CACNG5: variants seen among roughly 807,000 people sequenced by gnomAD.
The protein encoded by CACNG5 is calcium voltage-gated channel auxiliary subunit gamma 5.
CACNG5 carries 18 observed loss-of-function variants against 24.8 expected under a neutral mutation model. The ratio of observed to expected loss-of-function variants is 0.73; its 90% confidence interval spans 0.50 to 1.08. CACNG5 has a LOEUF of 1.08. Among genes scored for constraint, CACNG5 ranks in the 50% least tolerant of loss-of-function variants. CACNG5 has a pLI of 0.00. For synonymous variants in CACNG5, 157 were observed against 149.1 expected (o/e 1.05, Z -0.39); for missense variants, 349 against 367.9 (o/e 0.95, Z 0.42).
rs371834868 is a variant in CACNG5, at chr17:66,861,167, C to A, written c.-103-16063C>A. 2.3e-4 allele frequency among the ~76,000 whole-genome samples: 35 copies of A among 152,168 alleles called. No individual in the cohort carries two copies. In the East Asian group the frequency reaches 4.8e-3, roughly 21 times the overall value. ...ATTGTAATATATTTGACAATAACAG[C>A]ACAAAGGAGTTGGGAGAAGGAGAAG... On this transcript the variant is annotated intron_variant, in intron 1 of 5. Transcript: ENST00000533854.
chr17:66,871,125 AC>A (rs1401262292), intron 1 of CACNG5, among the ~76,000 whole-genome samples: 1 of 152,142 alleles, frequency 6.6e-6, no homozygotes, highest in Admixed American at 6.5e-5. Context: ...TTTTTTCACA[AC>A]CAAGGAAGAT....
rs892732947 is a variant in CACNG5 at position 66,867,143 on chromosome 17, C to G, written c.-103-10087C>G. ...CTTGCCAGCATCTATTGTTTCTTGA[C>G]TTTTTAATAATCACCATTCTGACTG... On this transcript the variant is annotated intron_variant, in intron 1 of 5. Transcript: ENST00000533854. Among the ~76,000 whole-genome samples the G allele has an allele frequency of 3.9e-5, 6 of 152,154 alleles. No individual in the cohort carries two copies. The East Asian group carries it at 9.6e-4, about 24-fold the overall frequency.
intron 2 of CACNG5, 89 bp downstream of exon 2, chr17:66,877,617 G>A (rs780699599): frequency 1.7e-5 from 19 of 1,108,436 alleles, no homozygotes; most frequent in Non-Finnish European, 2.4e-5. Context: ...GCCAAGAGAT[G>A]CTGGAAGGAG....
intron 1 of CACNG5, among the ~76,000 whole-genome samples, chr17:66,853,481 GT>G (rs1418209868): frequency 2.0e-4 from 30 of 152,208 alleles, no homozygotes; most frequent in Admixed American, 2.0e-3. Flanking sequence ...GAGAGCTGCA[GT>G]TTCTCCAAAC....
chr17:66,889,583 G>T lies in CACNG5; in HGVS notation c.*4343G>T, dbSNP rs1005370786. Among the ~76,000 whole-genome samples the T allele has an allele frequency of 5.9e-5, 9 of 152,208 alleles. No individual in the cohort carries two copies. Among genetic ancestry groups the T allele is most frequent in the Non-Finnish European group, 8.8e-5 (6 of 68,028 alleles). ...AGGAATTAGCTCAAGAAGTTGTGGA[G>T]ACTTGGTGAGTACAACCAAAATCTG... is the stretch of plus-strand genomic sequence containing the variant. On this transcript the variant is annotated 3_prime_UTR_variant, in exon 6 of 6. Coordinates refer to ENST00000533854, the MANE Select transcript of CACNG5 (RefSeq NM_145811.3).
At chr17:66,864,435 T>G (rs959963970) in intron 1 of CACNG5, among the ~76,000 whole-genome samples, 1 of 152,248 alleles carries the variant, frequency 6.6e-6, no homozygotes, top group African/African-American at 2.4e-5. Flanking sequence ...CTGCAGAGGT[T>G]GTACAAAATA....
intron 1 of CACNG5, among the ~76,000 whole-genome samples, chr17:66,847,420 C>T (rs1035299616): frequency 4.3e-4 from 66 of 152,100 alleles, no homozygotes; most frequent in Admixed American, 4.0e-3. Flanking sequence ...TGGTAGAAGG[C>T]GAAGGAGGAG....
At position 66,892,012 on chromosome 17, in the gene CACNG5, G is replaced by A. The variant is rs547897141; in HGVS notation, c.*6772G>A. 6.6e-6 allele frequency among the ~76,000 whole-genome samples: 1 copy of A among 152,352 alleles called. No homozygotes were observed. Among genetic ancestry groups the A allele is most frequent in the East Asian group, 1.9e-4 (1 of 5,188 alleles). ...ATGGTTCTAATGTGAAACCAGGGTTGAGAACCACTGGCTTAGACCTACTGG... is the reference window on the plus strand; with the variant it reads ...ATGGTTCTAATGTGAAACCAGGGTTAAGAACCACTGGCTTAGACCTACTGG... On this transcript the variant is annotated 3_prime_UTR_variant, in exon 6 of 6. Coordinates refer to ENST00000533854, the MANE Select transcript of CACNG5 (RefSeq NM_145811.3).
chr17:66,869,376 G>T lies in CACNG5; in HGVS notation c.-103-7854G>T, dbSNP rs117904971. Among the ~76,000 whole-genome samples, 882 of 152,252 alleles carry T rather than the reference G, an allele frequency of 5.8e-3. 7 individuals are homozygous for T. Among genetic ancestry groups the T allele is most frequent in the Non-Finnish European group, 9.4e-3 (642 of 68,014 alleles). ...TGGGATTACAGGTGTGAGCCAACTC[G>T]CCTGGCCAAGTTGTGCTACTTTCTG... On this transcript the variant is annotated intron_variant, in intron 1 of 5. Coordinates refer to ENST00000533854, the MANE Select transcript of CACNG5 (RefSeq NM_145811.3).
In CACNG5 at chr17:66,885,467, G is replaced by A; in HGVS notation, c.*227G>A. On this transcript the variant is annotated 3_prime_UTR_variant, in exon 6 of 6. Transcript: ENST00000533854. ...GGGCAAGCTGATTGTCTGGGAACATGGGAGAAGCCCCGCCCATGTGAGTGC... is the reference window on the plus strand; with the variant it reads ...GGGCAAGCTGATTGTCTGGGAACATAGGAGAAGCCCCGCCCATGTGAGTGC... The A allele has an allele frequency of 3.6e-6, 2 of 551,786 alleles. No homozygotes were observed. Among genetic ancestry groups the A allele is most frequent in the Non-Finnish European group, 6.2e-6 (2 of 320,592 alleles). 34.2% of individuals were successfully genotyped at this position (551,786 alleles called of 1,614,324 possible).
rs1977298124 is a variant in CACNG5 at position 66,888,629 on chromosome 17, G to A, written c.*3389G>A. 6.6e-6 allele frequency among the ~76,000 whole-genome samples: 1 copy of A among 151,654 alleles called. No homozygotes were observed. Among genetic ancestry groups the A allele is most frequent in the Non-Finnish European group, 1.5e-5 (1 of 67,926 alleles). ...CAATAGTCAAAGACAGGTTTATTTT[G>A]GAGAATAAACCTGAGAGGGGCTTCT... On this transcript the variant is annotated 3_prime_UTR_variant, in exon 6 of 6. Coordinates refer to ENST00000533854, the MANE Select transcript of CACNG5 (RefSeq NM_145811.3).
chr17:66,885,390 C>T lies in CACNG5; in HGVS notation c.*150C>T. On this transcript the variant is annotated 3_prime_UTR_variant, in exon 6 of 6. Transcript: ENST00000533854. Reference sequence around the variant, plus strand: ...CTTGACCCCAGTCCTCTCCCTGCTTCTCCAGAAGGGCTCTAACTGCCCCAG... The same window carrying T: ...CTTGACCCCAGTCCTCTCCCTGCTTTTCCAGAAGGGCTCTAACTGCCCCAG... 2.2e-6 allele frequency: 2 copies of T among 925,250 alleles called. No homozygotes were observed. The highest frequency in any genetic ancestry group is 2.6e-5 in the East Asian group (1 of 38,300). 57.3% of individuals were successfully genotyped at this position (925,250 alleles called of 1,614,324 possible). A position where few individuals can be genotyped will look rare whatever the true frequency, so the allele number is the denominator to read the frequency against.
At chr17:66,872,989 G>A (rs548497702) in intron 1 of CACNG5, among the ~76,000 whole-genome samples, 10 of 152,252 alleles carry the variant, frequency 6.6e-5, no homozygotes, top group East Asian at 3.9e-4. Flanking sequence ...CTTCAGTAGC[G>A]AGATGATGTA....
intron 1 of CACNG5, among the ~76,000 whole-genome samples, chr17:66,845,579 C>T (rs1350888282): frequency 6.6e-6 from 1 of 152,130 alleles, no homozygotes; most frequent in Non-Finnish European, 1.5e-5. Flanking sequence ...GGGTCCTTGT[C>T]TGTGCTCCCG....
At chr17:66,861,873 A>G (rs1976865483) in intron 1 of CACNG5, among the ~76,000 whole-genome samples, 1 of 152,200 alleles carries the variant, frequency 6.6e-6, no homozygotes, top group African/African-American at 2.4e-5. Flanking sequence ...CGTTGCCACT[A>G]TGTTTAAGTG....
chr17:66,880,727 C>G (rs756770073), intron 4 of CACNG5, 30 bp downstream of exon 4: 1 of 1,604,446 alleles, frequency 6.2e-7, no homozygotes, highest in African/African-American at 1.3e-5. Flanking sequence ...TTTCTTGCAC[C>G]CTGGAATTTT....
At position 66,851,015 on chromosome 17, in the gene CACNG5, C is replaced by T. The variant is rs1034225930; in HGVS notation, c.-104+15765C>T. On this transcript the variant is annotated intron_variant, in intron 1 of 5. Coordinates refer to ENST00000533854, the MANE Select transcript of CACNG5 (RefSeq NM_145811.3). ...TAATGCCTACCCATGGACTGTAAAACGTGGTCTTGGGCCCCCGCAAGGCCA... is the reference window on the plus strand; with the variant it reads ...TAATGCCTACCCATGGACTGTAAAATGTGGTCTTGGGCCCCCGCAAGGCCA... Among the ~76,000 whole-genome samples the T allele has an allele frequency of 2.6e-5, 4 of 152,034 alleles. No homozygotes were observed. The South Asian group carries it at 6.2e-4, about 24-fold the overall frequency.
chr17:66,862,911 T>C (rs1976884878), intron 1 of CACNG5, among the ~76,000 whole-genome samples: 1 of 151,352 alleles, frequency 6.6e-6, no homozygotes, highest in Non-Finnish European at 1.5e-5. Context: ...TGTGTGTGTG[T>C]GTGTGTGTGT....
chr17:66,850,783 T>C (rs1325459158), intron 1 of CACNG5, among the ~76,000 whole-genome samples: 3 of 152,140 alleles, frequency 2.0e-5, no homozygotes, highest in Non-Finnish European at 4.4e-5. Flanking sequence ...ATGAAAAATA[T>C]GTACTGAATT....
Sources: allele counts gnomAD v4.1 joint callset (sites outside exome capture counted in the v4.1 genomes callset), GRCh38; gene constraint gnomAD v4.1.1; transcripts MANE v1.5; gene names NCBI Gene and HGNC (gene_info 2026-07-23, HGNC 2026-07-21).